TAF11: variants seen among roughly 807,000 people sequenced by gnomAD.
TAF11 encodes TATA-box binding protein associated factor 11, also known as transcription initiation factor TFIID subunit 11.
A neutral mutation model predicts 23.0 loss-of-function variants in TAF11; 10 were observed. The ratio of observed to expected loss-of-function variants is 0.43; its 90% CI spans 0.27 to 0.74. TAF11 has a LOEUF of 0.74. Among genes scored for constraint, TAF11 ranks in the 30% least tolerant of loss-of-function variants. The pLI is 0.19. For missense variants in TAF11, 196 were observed against 261.7 expected, an observed-to-expected ratio of 0.75 and a Z score of 1.73; for synonymous variants, 85 against 95.8, an observed-to-expected ratio of 0.89 and a Z score of 0.66.
chr6:34,878,358 C>T lies in TAF11; in HGVS notation c.*232G>A, dbSNP rs1381570554. Reference sequence around the variant, plus strand: ...CGTATCTTCTTCCAACTGGTCAAGACAGTTAAATACTTCAAAATGCCCCAA... The same window carrying T: ...CGTATCTTCTTCCAACTGGTCAAGATAGTTAAATACTTCAAAATGCCCCAA... On this transcript the variant is annotated 3_prime_UTR_variant, in exon 5 of 5. Transcript: ENST00000361288. 4 of 514,210 alleles carry T rather than the reference C, an allele frequency of 7.8e-6. No homozygotes were observed. The East Asian group carries it at 1.2e-4, about 16-fold the overall frequency. The allele number at this position is 514,210 out of a possible 1,614,324, so 31.9% of individuals were successfully genotyped here.
chr6:34,879,938 A>G, intron 4 of TAF11, 29 bp downstream of exon 4: 1 of 1,604,786 alleles, frequency 6.2e-7, no homozygotes, highest in East Asian at 2.2e-5. Context: ...CACAGGTACA[A>G]TCCAGTATTT....
chr6:34,879,863 A>C (rs1304711488), intron 4 of TAF11, 104 bp downstream of exon 4: 21 of 1,475,430 alleles, frequency 1.4e-5, no homozygotes, highest in Non-Finnish European at 1.9e-5. Flanking sequence ...TTCAAGTGCA[A>C]ATGAGAACTC....
At chr6:34,888,067 A>G, upstream of TAF11, 3 of 1,529,974 alleles carry the variant, frequency 2.0e-6, no homozygotes, top group Non-Finnish European at 2.6e-6. Context: ...CGCAGCGATG[A>G]CATCACCCCT....
chr6:34,882,969 TTTTCTC>T lies in TAF11; in HGVS notation c.277_282del (p.Glu93_Lys94del). On this transcript the variant is annotated inframe_deletion, in exon 2 of 5. Coordinates refer to ENST00000361288, the MANE Select transcript of TAF11 (RefSeq NM_005643.4). ...ATCTCATCTTCATCTACTTTCTGCT[TTTTCTC>T]TTTCTTTTCTTTGGTATCTATTTTC... 6.2e-7 allele frequency: 1 copy of T among 1,609,850 alleles called. No homozygotes were observed.
At chr6:34,881,886 C>T (rs1480706764) in intron 2 of TAF11, among the ~76,000 whole-genome samples, 5 of 151,130 alleles carry the variant, frequency 3.3e-5, no homozygotes, top group Non-Finnish European at 5.9e-5. Flanking sequence ...TTAGTAGAGA[C>T]GGGGTTTCAC....
intron 1 of TAF11, among the ~76,000 whole-genome samples, chr6:34,887,542 G>A (rs1479547787): frequency 6.6e-6 from 1 of 152,108 alleles, no homozygotes; most frequent in Non-Finnish European, 1.5e-5. Context: ...AACTCCCTTA[G>A]AAGTAGCTTT....
intron 1 of TAF11, among the ~76,000 whole-genome samples, chr6:34,883,426 A>C (rs1413477293): frequency 1.3e-5 from 2 of 152,174 alleles, no homozygotes; most frequent in African/African-American, 2.4e-5. Flanking sequence ...ATGTCAGCAA[A>C]GTCCCCTCCA....
intron 2 of TAF11, 122 bp downstream of exon 2, chr6:34,882,810 G>T: frequency 8.2e-7 from 1 of 1,217,250 alleles, no homozygotes; most frequent in South Asian, 1.7e-5. Context: ...CAGCCATAAT[G>T]TATTAATCGT....
intron 1 of TAF11, among the ~76,000 whole-genome samples, chr6:34,885,966 A>C (rs998429919): frequency 1.3e-5 from 2 of 152,122 alleles, no homozygotes; most frequent in African/African-American, 4.8e-5. Context: ...CAGCTCTACT[A>C]AAAATACAAA....
chr6:34,878,818 C>T (rs1766363737), intron 4 of TAF11, 98 bp from the exon 5 acceptor site: 1 of 1,077,096 alleles, frequency 9.3e-7, no homozygotes, highest in East Asian at 2.5e-5. Context: ...TTTTCTTAAG[C>T]TTGCTAAGGA....
intron 2 of TAF11, 151 bp downstream of exon 2, chr6:34,882,781 A>G: frequency 1.1e-6 from 1 of 936,280 alleles, no homozygotes; most frequent in Non-Finnish European, 1.5e-6. Context: ...TTGGGATTAC[A>G]GGCGTGAGCC....
intron 1 of TAF11, among the ~76,000 whole-genome samples, 176 bp downstream of exon 1, chr6:34,887,611 G>A (rs1766556634): frequency 6.6e-6 from 1 of 152,172 alleles, no homozygotes; most frequent in Non-Finnish European, 1.5e-5. Flanking sequence ...AACCGAACCA[G>A]CACTGGAGTT....
At chr6:34,879,777 C>T (rs2127431653) in intron 4 of TAF11, 190 bp downstream of exon 4, 1 of 985,356 alleles carries the variant, frequency 1.0e-6, no homozygotes, top group East Asian at 1.1e-4. Context: ...CAGATGGTTC[C>T]TTACCATCTG....
rs1378561054 is a variant in TAF11, at chr6:34,887,953, T to C, written c.5A>G (p.Asp2Gly). 6.2e-7 allele frequency: 1 copy of C among 1,613,956 alleles called. No homozygotes were observed. Among genetic ancestry groups the C allele is most frequent in the East Asian group, 2.2e-5 (1 of 44,896 alleles). ...GTCGGAGGGCGACTCGTGGGCATCGTCCATCACGGATAGGATTGGAGGGGA... is the reference window on the plus strand; with the variant it reads ...GTCGGAGGGCGACTCGTGGGCATCGCCCATCACGGATAGGATTGGAGGGGA... M[D>G]DAHESPSDKG... The change falls in exon 1 of 5, where the codon GAC becomes GGC. Residue 2 changes from aspartate (D) to glycine (G), a missense_variant. Transcript: ENST00000361288.
At chr6:34,886,685 C>G (rs1766534062) in intron 1 of TAF11, among the ~76,000 whole-genome samples, 1 of 151,946 alleles carries the variant, frequency 6.6e-6, no homozygotes, top group Admixed American at 6.5e-5. Context: ...AGGCTGGTCT[C>G]AAACTCCTGA....
intron 4 of TAF11, among the ~76,000 whole-genome samples, chr6:34,878,939 T>A (rs1766366428): frequency 6.6e-6 from 1 of 152,224 alleles, no homozygotes; most frequent in African/African-American, 2.4e-5. Flanking sequence ...ATGCTGTGGC[T>A]CATGCCTATA....
chr6:34,884,883 C>CA (rs1442107152), intron 1 of TAF11, among the ~76,000 whole-genome samples: 4 of 152,162 alleles, frequency 2.6e-5, no homozygotes, highest in African/African-American at 9.7e-5. Context: ...CAGATTTTCA[C>CA]ATTTATTTGG....
intron 1 of TAF11, among the ~76,000 whole-genome samples, chr6:34,886,830 G>A (rs984407815): frequency 6.6e-6 from 1 of 152,110 alleles, no homozygotes; most frequent in African/African-American, 2.4e-5. Context: ...GCTCTGAAAG[G>A]CTATTTCCAT....
chr6:34,882,105 T>C lies in TAF11; in HGVS notation c.320+827A>G, dbSNP rs555291805. 1.1e-4 allele frequency among the ~76,000 whole-genome samples: 16 copies of C among 148,224 alleles called. No individual in the cohort carries two copies. The East Asian group carries it at 2.0e-3, about 19-fold the overall frequency. Reference sequence around the variant, plus strand: ...CTGTAATCCCAGCATTTTGGGAGGCTGAGGCGGGCGGATCACGAAGTCAGG... The same window carrying C: ...CTGTAATCCCAGCATTTTGGGAGGCCGAGGCGGGCGGATCACGAAGTCAGG... On this transcript the variant is annotated intron_variant, in intron 2 of 4. Transcript: ENST00000361288.
Sources: allele counts gnomAD v4.1 joint callset (sites outside exome capture counted in the v4.1 genomes callset), GRCh38; gene constraint gnomAD v4.1.1; transcripts MANE v1.5; gene names NCBI Gene and HGNC (gene_info 2026-07-23, HGNC 2026-07-21).